PRC1: variants seen among roughly 807,000 people sequenced by gnomAD.
PRC1 encodes the protein protein regulator of cytokinesis 1, also known as anaphase spindle elongation 1 homolog.
Under a neutral mutation model 91.2 loss-of-function variants are expected in PRC1, and 54 were observed. The ratio of observed to expected loss-of-function variants is 0.59; its 90% CI spans 0.48 to 0.74. The LOEUF (loss-of-function observed/expected upper bound fraction) is 0.74, where lower values mean the gene tolerates loss of function less well. Among genes scored for constraint, PRC1 ranks in the 30% least tolerant of loss-of-function variants. PRC1 has a pLI of 0.00. For missense variants in PRC1, 727 were observed against 746.2 expected, an observed-to-expected ratio of 0.97 and a Z score of 0.30; for synonymous variants, 275 against 263.6, an observed-to-expected ratio of 1.04 and a Z score of -0.42.
Position 90,970,519 on chromosome 15 carries a change from G to A in PRC1, c.1462-5C>T. 2 of 1,593,884 alleles carry A rather than the reference G, an allele frequency of 1.3e-6. No individual in the cohort carries two copies. ...GGACATGGTGGTAGTGTTCAGCTAG[G>A]GAGAAGAGCACGTGGGTAACTGATG... On this transcript the variant is annotated splice_polypyrimidine_tract_variant and splice_region_variant and intron_variant, in intron 11 of 14. Coordinates refer to ENST00000394249, the MANE Select transcript of PRC1 (RefSeq NM_003981.4).
intron 11 of PRC1, 141 bp downstream of exon 11, chr15:90,973,995 C>T (rs1457693454): frequency 7.3e-5 from 50 of 683,886 alleles, no homozygotes; most frequent in Non-Finnish European, 1.2e-4. Context: ...TACTTTGTGT[C>T]TTATTTCTTT....
chr15:90,979,364 G>C, intron 7 of PRC1, 70 bp from the exon 8 acceptor site: 3 of 1,498,610 alleles, frequency 2.0e-6, no homozygotes, highest in Non-Finnish European at 2.7e-6. Flanking sequence ...ACGAATCCCC[G>C]ATTCCCTAAA....
intron 1 of PRC1, among the ~76,000 whole-genome samples, chr15:90,989,252 T>G (rs1246807189): frequency 1.3e-5 from 2 of 151,946 alleles, no homozygotes; most frequent in Non-Finnish European, 2.9e-5. Context: ...GTTCCTCAAT[T>G]GATTTTTTGT....
In PRC1 at chr15:90,967,023, G is replaced by A; in HGVS notation, c.*108C>T. On this transcript the variant is annotated 3_prime_UTR_variant, in exon 15 of 15. Coordinates refer to ENST00000394249, the MANE Select transcript of PRC1 (RefSeq NM_003981.4). ...GTTAGGCCCATGGTCATGGAACCTGGCCAAGGTTTCAAGCACGCCTAAGCT... is the reference window on the plus strand; with the variant it reads ...GTTAGGCCCATGGTCATGGAACCTGACCAAGGTTTCAAGCACGCCTAAGCT... 1 of 958,138 alleles carries A rather than the reference G, an allele frequency of 1.0e-6. No individual in the cohort carries two copies. Among genetic ancestry groups the A allele is most frequent in the Non-Finnish European group, 1.6e-6 (1 of 607,516 alleles). The allele number at this position is 958,138 out of a possible 1,614,324, so 59.4% of individuals were successfully genotyped here. A position where few individuals can be genotyped will look rare whatever the true frequency, so the allele number is the denominator to read the frequency against.
intron 1 of PRC1, among the ~76,000 whole-genome samples, chr15:90,991,026 C>T (rs2039950772): frequency 1.3e-5 from 2 of 151,988 alleles, no homozygotes; most frequent in South Asian, 2.1e-4. Flanking sequence ...ATCCGACCGC[C>T]TCGGCCTCCC....
chr15:90,972,408 A>G (rs28393051), intron 11 of PRC1, among the ~76,000 whole-genome samples: 8,265 of 151,722 alleles, frequency 0.054, 307 homozygotes, highest in South Asian at 0.09. Flanking sequence ...ATGTTATAAA[A>G]TAGCAGTAGA....
intron 14 of PRC1, 42 bp downstream of exon 14, chr15:90,969,037 G>T (rs2290202): frequency 0.15 from 248,325 of 1,613,354 alleles, 23,267 homozygotes; most frequent in East Asian, 0.49. Context: ...GCAGATGACA[G>T]ATCAGTTTGG....
chr15:90,989,412 A>ATTTTTTTTTT (rs58512103), intron 1 of PRC1, among the ~76,000 whole-genome samples: 6 of 118,486 alleles, frequency 5.1e-5, no homozygotes, highest in Non-Finnish European at 1.0e-4. Context: ...TGCTTGGCTA[A>ATTTTTTTTTT]TTTTTTTTTT....
intron 8 of PRC1, 42 bp from the exon 9 acceptor site, chr15:90,976,813 A>G: frequency 2.7e-6 from 4 of 1,479,284 alleles, no homozygotes; most frequent in Non-Finnish European, 3.8e-6. Flanking sequence ...ACCTGGCACC[A>G]TGAGACCAAT....
chr15:90,968,933 GT>G (rs1051586906), intron 14 of PRC1, 145 bp downstream of exon 14: 86 of 1,482,476 alleles, frequency 5.8e-5, no homozygotes, highest in East Asian at 3.0e-4. Flanking sequence ...AATCAGATGT[GT>G]TTTTTTGAGT....
chr15:90,974,396 CCCGGCTCCCCGTT>C lies in PRC1; in HGVS notation c.1351-163_1351-151del, dbSNP rs1474694978. ...GCTCCCCGTTCCACAAGCCCCGGTCCCCGGCTCCCCGTTCCACAAGCCCCGGTCCCCGGCTCCC... is the reference window on the plus strand; with the variant it reads ...GCTCCCCGTTCCACAAGCCCCGGTCCCCACAAGCCCCGGTCCCCGGCTCCC... On this transcript the variant is annotated intron_variant, in intron 10 of 14. Coordinates refer to ENST00000394249, the MANE Select transcript of PRC1 (RefSeq NM_003981.4). The surrounding 1 kb of genome is among the most constrained non-coding windows in gnomAD (Gnocchi z 4.6). 1 of 1,092,112 alleles carries C rather than the reference CCCGGCTCCCCGTT, an allele frequency of 9.2e-7. No individual in the cohort carries two copies. The highest frequency in any genetic ancestry group is 1.3e-6 in the Non-Finnish European group (1 of 766,706). 67.7% of individuals were successfully genotyped at this position (1,092,112 alleles called of 1,614,324 possible).
chr15:90,981,152 G>T, intron 5 of PRC1, 119 bp from the exon 6 acceptor site: 2 of 1,360,570 alleles, frequency 1.5e-6, no homozygotes, highest in Non-Finnish European at 2.0e-6. Flanking sequence ...AGAGTTCAAA[G>T]TAGCATGTTT....
chr15:90,968,014 T>TA, intron 14 of PRC1: 1 of 985,298 alleles, frequency 1.0e-6, no homozygotes, highest in Non-Finnish European at 1.2e-6. Flanking sequence ...CAGCAAAAGA[T>TA]AAAGCATGAA....
chr15:90,985,595 G>A (rs1451909529), intron 1 of PRC1, among the ~76,000 whole-genome samples: 2 of 147,056 alleles, frequency 1.4e-5, no homozygotes, highest in South Asian at 2.1e-4. Context: ...GTCTCGCTCC[G>A]TTGCCCTGGC....
At chr15:90,983,883 A>G in intron 3 of PRC1, 135 bp downstream of exon 3, 1 of 1,221,536 alleles carries the variant, frequency 8.2e-7, no homozygotes, top group Non-Finnish European at 1.1e-6. Flanking sequence ...TTAACTACAC[A>G]GCATGTTTTC....
intron 11 of PRC1, among the ~76,000 whole-genome samples, chr15:90,971,598 T>C (rs1392605419): frequency 1.3e-5 from 2 of 152,090 alleles, no homozygotes; most frequent in African/African-American, 4.8e-5. Flanking sequence ...TTTTTTTTTT[T>C]TTTTTAATTA....
rs114240831 is a variant in PRC1 at position 90,980,558 on chromosome 15, G to C, written c.823-169C>G. ...TTTTGAGACAGGGTCTCACTCTCTC[G>C]CCCAGACAGGAGTGCAGTGGCGCGA... On this transcript the variant is annotated intron_variant, in intron 6 of 14. Coordinates refer to ENST00000394249, the MANE Select transcript of PRC1 (RefSeq NM_003981.4). 2.3e-3 allele frequency: 1,750 copies of C among 763,528 alleles called. 26 individuals carry two copies. In the African/African-American group the frequency reaches 0.034, roughly 15 times the overall value. 47.3% of individuals were successfully genotyped at this position (763,528 alleles called of 1,614,324 possible).
chr15:90,967,252 G>T, intron 14 of PRC1, 50 bp from the exon 15 acceptor site: 1 of 1,484,320 alleles, frequency 6.7e-7, no homozygotes, highest in Non-Finnish European at 9.4e-7. Context: ...TCTTACACAT[G>T]GCCCACCCTT....
chr15:90,979,122 T>A, intron 8 of PRC1, 36 bp downstream of exon 8: 1 of 1,600,418 alleles, frequency 6.2e-7, no homozygotes, highest in Non-Finnish European at 8.5e-7. Flanking sequence ...TGGCATGCTT[T>A]CTTAACAGTT....
Sources: allele counts gnomAD v4.1 joint callset (sites outside exome capture counted in the v4.1 genomes callset), GRCh38; gene constraint gnomAD v4.1.1; non-coding constraint Gnocchi (gnomAD v3.1); transcripts MANE v1.5; gene names NCBI Gene and HGNC (gene_info 2026-07-23, HGNC 2026-07-21).